KRABD2: variants seen among roughly 807,000 people sequenced by gnomAD.
The protein encoded by KRABD2 is KRAB domain containing 2, also known as KRAB domain-containing protein 2.
chr17:8,359,162 T>C, the KRABD2 span, among the ~76,000 whole-genome samples: 1 of 152,214 alleles, frequency 6.6e-6, no homozygotes, highest in Non-Finnish European at 1.5e-5. Context: ...TCTTCATAAT[T>C]AGATTCAAGT....
the KRABD2 span, chr17:8,369,041 C>G: frequency 4.9e-5 from 74 of 1,501,192 alleles, no homozygotes; most frequent in Non-Finnish European, 6.4e-5. Context: ...GAGAGTGCAG[C>G]CTTCAATCTT....
chr17:8,359,199 G>C, the KRABD2 span, among the ~76,000 whole-genome samples: 1 of 152,356 alleles, frequency 6.6e-6, no homozygotes, highest in Admixed American at 6.5e-5. Flanking sequence ...AAATGACACA[G>C]AAATGTTCTC....
chr17:8,366,726 C>T, the KRABD2 span, among the ~76,000 whole-genome samples: 804 of 147,984 alleles, frequency 5.4e-3, 4 homozygotes, highest in African/African-American at 0.018. Flanking sequence ...CCTTCATCTA[C>T]TTTTTTTTTT....
At chr17:8,372,904 T>G in the KRABD2 span, among the ~76,000 whole-genome samples, 7 of 149,704 alleles carry the variant, frequency 4.7e-5, no homozygotes, top group Non-Finnish European at 7.4e-5. This position sits in a 1 kb window ranked among gnomAD's most constrained non-coding sequence, Gnocchi z 4.1. Context: ...TCTCTAAAAA[T>G]AAAAAAAAGA....
At chr17:8,363,815 CATATATATATCATACATAT>C in the KRABD2 span, among the ~76,000 whole-genome samples, 9 of 101,546 alleles carry the variant, frequency 8.9e-5, no homozygotes, top group Admixed American at 2.2e-4. Flanking sequence ...ATATATCATA[CATATATATATCATACATAT>C]ATATATATAT....
the KRABD2 span, among the ~76,000 whole-genome samples, chr17:8,367,414 G>A: frequency 1.3e-5 from 2 of 151,794 alleles, no homozygotes; most frequent in African/African-American, 2.4e-5. Context: ...CAGGAGAATC[G>A]CTTAAACCTG....
At chr17:8,375,917 G>A in the KRABD2 span, 441 of 1,229,358 alleles carry the variant, frequency 3.6e-4, no homozygotes, top group African/African-American at 6.3e-3. Flanking sequence ...TCTTCGCCTT[G>A]GCTGTTTCCG....
the KRABD2 span, chr17:8,371,604 A>T: frequency 6.7e-7 from 1 of 1,493,696 alleles, no homozygotes; most frequent in African/African-American, 1.4e-5. Context: ...TCTCACATCT[A>T]ACAAGATGAG....
At chr17:8,374,400 C>T in the KRABD2 span, among the ~76,000 whole-genome samples, 1 of 152,164 alleles carries the variant, frequency 6.6e-6, no homozygotes. Context: ...GCAAGATGTG[C>T]TTTGTTAAAC....
the KRABD2 span, among the ~76,000 whole-genome samples, chr17:8,366,595 A>G: frequency 6.6e-6 from 1 of 152,216 alleles, no homozygotes. Context: ...ATCTGTGCAT[A>G]ATGCTCTGAG....
the KRABD2 span, chr17:8,371,185 T>C: frequency 1.1e-6 from 1 of 873,274 alleles, no homozygotes; most frequent in African/African-American, 1.7e-5. Context: ...AAAAATTTCT[T>C]ATGGCTGAGG....
the KRABD2 span, chr17:8,370,213 T>G: frequency 6.2e-7 from 1 of 1,613,280 alleles, no homozygotes; most frequent in Non-Finnish European, 8.5e-7. Flanking sequence ...TGAAAGTACT[T>G]TTCTTTGGAA....
chr17:8,368,172 T>C, the KRABD2 span, among the ~76,000 whole-genome samples: 6 of 152,212 alleles, frequency 3.9e-5, no homozygotes, highest in South Asian at 1.2e-3. Flanking sequence ...GAAAGAGTAT[T>C]CGCTGATCTA....
the KRABD2 span, among the ~76,000 whole-genome samples, chr17:8,366,825 G>A: frequency 1.3e-5 from 2 of 151,958 alleles, no homozygotes; most frequent in African/African-American, 4.8e-5. Context: ...AGGTTCAAGG[G>A]ATCTTCCTAC....
the KRABD2 span, among the ~76,000 whole-genome samples, chr17:8,365,125 A>C: frequency 6.6e-6 from 1 of 152,194 alleles, no homozygotes; most frequent in African/African-American, 2.4e-5. Flanking sequence ...CCTCTATTCC[A>C]CATGCTGAAA....
chr17:8,369,440 C>T, the KRABD2 span: 4 of 1,614,194 alleles, frequency 2.5e-6, no homozygotes, highest in South Asian at 4.4e-5. Context: ...TCACCATCTG[C>T]ATGAATCGGA....
the KRABD2 span, chr17:8,359,881 A>G: frequency 2.2e-6 from 1 of 455,302 alleles, no homozygotes. Context: ...GGAGAAAGAG[A>G]GGCAAAAACA....
chr17:8,360,947 T>A, the KRABD2 span, among the ~76,000 whole-genome samples: 1 of 152,146 alleles, frequency 6.6e-6, no homozygotes, highest in Non-Finnish European at 1.5e-5. Context: ...GAAGCAAGAA[T>A]GTAAGTCTGA....
the KRABD2 span, chr17:8,373,519 C>G: frequency 5.1e-6 from 1 of 195,654 alleles, no homozygotes; most frequent in Non-Finnish European, 1.0e-5. Context: ...GATCTCGGCT[C>G]CCTACAACCT....
Sources: allele counts gnomAD v4.1 joint callset (sites outside exome capture counted in the v4.1 genomes callset), GRCh38; gene constraint gnomAD v4.1.1; non-coding constraint Gnocchi (gnomAD v3.1); transcripts MANE v1.5; gene names NCBI Gene and HGNC (gene_info 2026-07-23, HGNC 2026-07-21).